The following CATSPERE variants were observed in gnomAD, a reference collection of about 807,000 sequenced individuals.
CATSPERE encodes the protein cation channel sperm-associated auxiliary subunit epsilon.
In CATSPERE, 93 loss-of-function variants were observed where a neutral mutation model predicts 114.1. The observed-to-expected ratio is 0.81, with a 90% CI of 0.69 to 0.97. The LOEUF is 0.97. CATSPERE is among the 50% of genes least tolerant of loss of function. The pLI is 0.00. For missense variants in CATSPERE, 1,058 were observed against 1,131.6 expected, an observed-to-expected ratio of 0.93 and a Z score of 0.93; for synonymous variants, 341 against 384.1, an observed-to-expected ratio of 0.89 and a Z score of 1.31.
upstream of CATSPERE, among the ~76,000 whole-genome samples, chr1:244,453,119 A>T (rs1332685178): frequency 6.6e-6 from 1 of 152,238 alleles, no homozygotes; most frequent in Non-Finnish European, 1.5e-5. Flanking sequence ...AGAAATAAAG[A>T]TACAATTCAG....
chr1:244,527,601 G>A (rs895221256), intron 8 of CATSPERE, among the ~76,000 whole-genome samples: 1 of 152,062 alleles, frequency 6.6e-6, no homozygotes, highest in African/African-American at 2.4e-5. Context: ...GAAGATGACG[G>A]GATTAAGAGA....
chr1:244,486,348 C>G (rs542592714), intron 5 of CATSPERE, among the ~76,000 whole-genome samples: 1 of 149,138 alleles, frequency 6.7e-6, no homozygotes, highest in South Asian at 2.1e-4. Context: ...CTTGTAGTCA[C>G]CTGGTGGGTG....
At chr1:244,581,335 C>G (rs979417092) in intron 11 of CATSPERE, among the ~76,000 whole-genome samples, 34 of 152,216 alleles carry the variant, frequency 2.2e-4, no homozygotes, top group Middle Eastern at 3.4e-3. Flanking sequence ...GAACATTGGT[C>G]TGTTTCTATT....
At chr1:244,566,823 A>G (rs1357645641) in intron 10 of CATSPERE, among the ~76,000 whole-genome samples, 1 of 151,512 alleles carries the variant, frequency 6.6e-6, no homozygotes, top group East Asian at 1.9e-4. Flanking sequence ...GTGTCTTTTA[A>G]TTGGGGCATT....
At chr1:244,574,131 T>G (rs1482266161) in intron 11 of CATSPERE, among the ~76,000 whole-genome samples, 2 of 152,180 alleles carry the variant, frequency 1.3e-5, no homozygotes, top group Non-Finnish European at 2.9e-5. Flanking sequence ...GGCTAATAAT[T>G]TAAAACTTTC....
chr1:244,499,126 T>C, intron 7 of CATSPERE, 47 bp downstream of exon 7: 1 of 1,437,112 alleles, frequency 7.0e-7, no homozygotes, highest in Non-Finnish European at 9.8e-7. Context: ...GAATGCTGCC[T>C]TTCTTTTGTA....
intron 8 of CATSPERE, among the ~76,000 whole-genome samples, chr1:244,549,407 A>G (rs576658152): frequency 2.4e-3 from 242 of 102,692 alleles, no homozygotes; most frequent in African/African-American, 8.2e-3. Flanking sequence ...TTAAGAATAC[A>G]TTTGTGTGTA....
At chr1:244,617,720 T>A in intron 20 of CATSPERE, 34 bp downstream of exon 20, 1 of 1,473,932 alleles carries the variant, frequency 6.8e-7, no homozygotes, top group Non-Finnish European at 9.0e-7. Flanking sequence ...AGTGTTAGCA[T>A]TAGTTCTTCA....
At position 244,586,549 on chromosome 1, in the gene CATSPERE, G is replaced by A. The variant is rs188226741; in HGVS notation, c.2086-1933G>A. ...CCTGTGCTTGAAGTCAAGTGGTCCA[G>A]GAAATAAAATATGCACTCCCACTGT... On this transcript the variant is annotated intron_variant, in intron 13 of 21. Transcript: ENST00000366534. Among the ~76,000 whole-genome samples the A allele has an allele frequency of 5.3e-5, 8 of 152,238 alleles. No individual in the cohort carries two copies. The East Asian group carries it at 1.5e-3, about 29-fold the overall frequency.
At chr1:244,613,616 A>G (rs1390311789) in intron 19 of CATSPERE, among the ~76,000 whole-genome samples, 2 of 152,224 alleles carry the variant, frequency 1.3e-5, no homozygotes, top group African/African-American at 4.8e-5. Flanking sequence ...TCCCCTTACA[A>G]TAACTAGTCC....
chr1:244,583,334 G>C (rs779480621), intron 12 of CATSPERE, among the ~76,000 whole-genome samples: 17 of 152,218 alleles, frequency 1.1e-4, no homozygotes, highest in Admixed American at 2.6e-4. Flanking sequence ...GCACTTCATA[G>C]TGGAGAAAGG....
chr1:244,477,047 G>A (rs572345568), intron 2 of CATSPERE, among the ~76,000 whole-genome samples: 2 of 152,264 alleles, frequency 1.3e-5, no homozygotes, highest in South Asian at 2.1e-4. Flanking sequence ...CCAGGCTGGA[G>A]TACAATGACG....
At chr1:244,578,784 C>T (rs1267218653) in intron 11 of CATSPERE, among the ~76,000 whole-genome samples, 2 of 132,568 alleles carry the variant, frequency 1.5e-5, no homozygotes, top group African/African-American at 5.5e-5. Flanking sequence ...TATACAGGTA[C>T]ATATATATGT....
At chr1:244,457,051 C>T (rs1262686869), upstream of CATSPERE, among the ~76,000 whole-genome samples, 2 of 152,042 alleles carry the variant, frequency 1.3e-5, no homozygotes, top group African/African-American at 2.4e-5. Context: ...AGTAACGGAA[C>T]AAAACTGAAG....
At chr1:244,498,945 A>G in intron 6 of CATSPERE, 57 bp from the exon 7 acceptor site, 2 of 1,328,852 alleles carry the variant, frequency 1.5e-6, no homozygotes, top group Non-Finnish European at 2.1e-6. Context: ...TTTTGCCACA[A>G]CTAAAAAAGA....
intron 5 of CATSPERE, among the ~76,000 whole-genome samples, chr1:244,480,663 C>T (rs923121188): frequency 1.8e-5 from 1 of 56,500 alleles, no homozygotes; most frequent in African/African-American, 5.6e-5. Flanking sequence ...TGTCCTGGTC[C>T]ACGTAGTCCC....
At chr1:244,583,827 A>G (rs1666606579) in intron 12 of CATSPERE, 37 bp from the exon 13 acceptor site, 1 of 1,589,878 alleles carries the variant, frequency 6.3e-7, no homozygotes, top group Non-Finnish European at 8.6e-7. Flanking sequence ...CCTGTCTCTC[A>G]CATGATACAA....
At chr1:244,563,813 T>G (rs1379862119) in intron 10 of CATSPERE, among the ~76,000 whole-genome samples, 1 of 152,240 alleles carries the variant, frequency 6.6e-6, no homozygotes, top group East Asian at 1.9e-4. Context: ...TTTGGTGTTT[T>G]AGTCATGAAT....
At chr1:244,515,332 G>A in intron 7 of CATSPERE, 1 of 981,040 alleles carries the variant, frequency 1.0e-6, no homozygotes, top group South Asian at 4.7e-5. Context: ...TGGATGGTGA[G>A]ATTTTTTTCA....
Sources: allele counts gnomAD v4.1 joint callset (sites outside exome capture counted in the v4.1 genomes callset), GRCh38; gene constraint gnomAD v4.1.1; transcripts MANE v1.5; gene names NCBI Gene and HGNC (gene_info 2026-07-23, HGNC 2026-07-21).